Variants in RMND1 observed in about 807,000 individuals in gnomAD.
The protein encoded by RMND1 is required for meiotic nuclear division protein 1 homolog.
Under a neutral mutation model 54.0 loss-of-function variants are expected in RMND1, and 41 were observed. That is an observed-to-expected ratio of 0.76 (90% CI 0.59 to 0.98). The LOEUF (loss-of-function observed/expected upper bound fraction) is 0.98, where lower values mean the gene tolerates loss of function less well. RMND1 is among the 50% of genes least tolerant of loss of function. The pLI, the probability that RMND1 is intolerant of heterozygous loss-of-function variation, is 0.00. For synonymous variants in RMND1, 183 were observed against 181.7 expected (o/e 1.01, Z -0.06); for missense variants, 457 against 532.0 (o/e 0.86, Z 1.39).
chr6:151,405,332 C>G, intron 11 of RMND1, 65 bp from the exon 12 acceptor site: 1 of 1,419,694 alleles, frequency 7.0e-7, no homozygotes, highest in South Asian at 1.2e-5. Context: ...AAAATGACTT[C>G]CAAGATTGTG....
intron 1 of RMND1, among the ~76,000 whole-genome samples, chr6:151,447,814 T>TC (rs1468480450): frequency 9.4e-6 from 1 of 106,804 alleles, no homozygotes; most frequent in African/African-American, 4.3e-5. Context: ...TAAATTCTTT[T>TC]TTTTTTTTTT....
At chr6:151,409,744 TGA>T (rs1284855609) in intron 10 of RMND1, among the ~76,000 whole-genome samples, 1 of 152,098 alleles carries the variant, frequency 6.6e-6, no homozygotes, top group Non-Finnish European at 1.5e-5. Context: ...GAGACTGGGA[TGA>T]GAGAGACATT....
chr6:151,425,946 CTT>C (rs67910450), intron 6 of RMND1, among the ~76,000 whole-genome samples: 7 of 137,644 alleles, frequency 5.1e-5, no homozygotes, highest in Non-Finnish European at 9.3e-5. Context: ...GCTTTTAACG[CTT>C]TTTTTTTTTT....
intron 1 of RMND1, among the ~76,000 whole-genome samples, chr6:151,447,810 C>CTTTTT (rs869136474): frequency 5.4e-5 from 6 of 110,342 alleles, no homozygotes; most frequent in African/African-American, 7.5e-5. Flanking sequence ...TGAGTAAATT[C>CTTTTT]TTTTTTTTTT....
At position 151,405,799 on chromosome 6, in the gene RMND1, G is replaced by A; in HGVS notation, c.1238C>T (p.Thr413Ile). The change falls in exon 11 of 12, where the codon ACA becomes ATA. Residue 413 changes from threonine (T) to isoleucine (I), a missense_variant. Transcript: ENST00000444024. ...ATTCAGGTGATTCCGCATTAGATCT[G>A]TTAGTTCCATGCAGTGCTGAAGTTT... ...NEKLQHCMEL[T>I]DLMRNHLNEK... 1.9e-6 allele frequency: 3 copies of A among 1,611,760 alleles called. No homozygotes were observed. The highest frequency in any genetic ancestry group is 2.5e-6 in the Non-Finnish European group (3 of 1,178,066).
At chr6:151,426,626 G>A (rs1582954620) in intron 6 of RMND1, among the ~76,000 whole-genome samples, 1 of 152,158 alleles carries the variant, frequency 6.6e-6, no homozygotes, top group Non-Finnish European at 1.5e-5. Flanking sequence ...ATTGGATTAG[G>A]CTGATTAGAA....
At chr6:151,420,152 A>G (rs114012834) in intron 9 of RMND1, among the ~76,000 whole-genome samples, 1,550 of 152,318 alleles carry the variant, frequency 0.01, 24 homozygotes, top group African/African-American at 0.032. Context: ...CAGTTTGGAT[A>G]TTATAATTCA....
At chr6:151,419,868 G>C (rs1051063602) in intron 9 of RMND1, among the ~76,000 whole-genome samples, 3 of 152,026 alleles carry the variant, frequency 2.0e-5, no homozygotes, top group African/African-American at 4.8e-5. Flanking sequence ...ATTCATACAT[G>C]CATGTGTGTG....
intron 5 of RMND1, among the ~76,000 whole-genome samples, chr6:151,429,674 T>C (rs1780400471): frequency 6.6e-6 from 1 of 152,172 alleles, no homozygotes; most frequent in Non-Finnish European, 1.5e-5. Context: ...AGGTGTAAAA[T>C]TACTGGGTTA....
intron 6 of RMND1, among the ~76,000 whole-genome samples, chr6:151,425,424 ACG>A (rs1033164435): frequency 2.0e-5 from 3 of 146,928 alleles, no homozygotes; most frequent in African/African-American, 5.0e-5. Flanking sequence ...CTGTACAGTA[ACG>A]TGTGTGTGTG....
intron 10 of RMND1, among the ~76,000 whole-genome samples, 159 bp from the exon 11 acceptor site, chr6:151,405,995 T>C (rs529764416): frequency 5.9e-5 from 9 of 152,346 alleles, no homozygotes; most frequent in African/African-American, 2.2e-4. Context: ...TCCAGAGACA[T>C]TTTGTAATGT....
intron 4 of RMND1, 33 bp downstream of exon 4, chr6:151,433,119 CCAT>C: frequency 7.3e-7 from 1 of 1,378,010 alleles, no homozygotes; most frequent in Non-Finnish European, 1.0e-6. Context: ...TGACCCAAAC[CCAT>C]CATCACCTAA....
At chr6:151,443,750 T>C (rs1038584457) in intron 2 of RMND1, among the ~76,000 whole-genome samples, 1 of 152,210 alleles carries the variant, frequency 6.6e-6, no homozygotes, top group Non-Finnish European at 1.5e-5. Context: ...ACTAACTCCT[T>C]AATTTCAGTG....
intron 5 of RMND1, among the ~76,000 whole-genome samples, chr6:151,429,119 C>A (rs1780384020): frequency 6.7e-6 from 1 of 150,074 alleles, no homozygotes. Context: ...TATTTTGTAA[C>A]CCGCTTTTTT....
intron 1 of RMND1, among the ~76,000 whole-genome samples, chr6:151,450,167 C>T (rs1187081303): frequency 8.5e-6 from 1 of 117,594 alleles, no homozygotes; most frequent in Non-Finnish European, 1.8e-5. Flanking sequence ...AAGTGAGGAG[C>T]ACCTCTTCCC....
At chr6:151,416,296 T>TCATG (rs1018476530) in intron 10 of RMND1, among the ~76,000 whole-genome samples, 1 of 152,106 alleles carries the variant, frequency 6.6e-6, no homozygotes, top group African/African-American at 2.4e-5. Flanking sequence ...TGTGTCTTGA[T>TCATG]CATGTGGTTG....
chr6:151,426,457 C>T (rs1040230746), intron 6 of RMND1, among the ~76,000 whole-genome samples: 2 of 152,150 alleles, frequency 1.3e-5, no homozygotes, highest in Non-Finnish European at 2.9e-5. Flanking sequence ...CCCACTTCTT[C>T]CAGCACCCAC....
At chr6:151,417,169 A>C in intron 10 of RMND1, 110 bp downstream of exon 10, 2 of 1,224,502 alleles carry the variant, frequency 1.6e-6, no homozygotes, top group Non-Finnish European at 2.3e-6. Flanking sequence ...GGAAATATAA[A>C]GAGATTTGAA....
Position 151,434,723 on chromosome 6 carries a change from T to A in RMND1, c.614-1493A>T, listed in dbSNP as rs543430504. ...TTCAACTATCTTCTATGGGATTGAGTCTTAAGAATTTCCACTGTTATAGGA... is the reference window on the plus strand; with the variant it reads ...TTCAACTATCTTCTATGGGATTGAGACTTAAGAATTTCCACTGTTATAGGA... On this transcript the variant is annotated intron_variant, in intron 3 of 11. Transcript: ENST00000444024. 4.6e-5 allele frequency among the ~76,000 whole-genome samples: 7 copies of A among 152,214 alleles called. No individual in the cohort carries two copies. In the South Asian group the frequency reaches 1.0e-3, roughly 22 times the overall value.
Sources: allele counts gnomAD v4.1 joint callset (sites outside exome capture counted in the v4.1 genomes callset), GRCh38; gene constraint gnomAD v4.1.1; transcripts MANE v1.5; gene names NCBI Gene and HGNC (gene_info 2026-07-23, HGNC 2026-07-21).